NLGN1: variants seen among roughly 807,000 people sequenced by gnomAD.
NLGN1 encodes neuroligin 1.
In NLGN1, 12 loss-of-function variants were observed where a neutral mutation model predicts 65.5. The observed-to-expected ratio is 0.18, with a 90% CI of 0.12 to 0.30. The LOEUF (loss-of-function observed/expected upper bound fraction) is 0.30. Ranked by LOEUF, NLGN1 falls within the 10% of genes least tolerant of loss-of-function variation. The probability of loss-of-function intolerance (pLI) is 1.00; values close to 1 mark genes in which losing one functional copy is unlikely to be tolerated. For missense variants in NLGN1, 750 were observed against 1,007.1 expected (o/e 0.74, Z 3.46); for synonymous variants, 350 against 359.5 (o/e 0.97, Z 0.30).
chr3:174,157,334 A>G (rs1013935982), intron 4 of NLGN1, among the ~76,000 whole-genome samples: 1 of 151,852 alleles, frequency 6.6e-6, no homozygotes, highest in Non-Finnish European at 1.5e-5. Context: ...ATTGCGTATT[A>G]GCATATTAAG....
At chr3:173,493,943 A>G (rs867243624) in intron 2 of NLGN1, among the ~76,000 whole-genome samples, 13 of 151,806 alleles carry the variant, frequency 8.6e-5, no homozygotes, top group Admixed American at 5.9e-4. Context: ...AAACTTCCAC[A>G]TGGCTATCCT....
intron 4 of NLGN1, among the ~76,000 whole-genome samples, chr3:174,096,636 T>C (rs1561033050): frequency 6.6e-6 from 1 of 152,170 alleles, no homozygotes; most frequent in African/African-American, 2.4e-5. Context: ...TAATATATTA[T>C]AAATTTTAGA....
chr3:173,874,806 C>A (rs1417727947), intron 4 of NLGN1, among the ~76,000 whole-genome samples: 1 of 152,090 alleles, frequency 6.6e-6, no homozygotes, highest in Non-Finnish European at 1.5e-5. Flanking sequence ...TTGCACAGAT[C>A]TATTCTATCT....
chr3:174,192,991 T>A (rs1304027607), intron 4 of NLGN1, among the ~76,000 whole-genome samples: 1 of 152,030 alleles, frequency 6.6e-6, no homozygotes, highest in Non-Finnish European at 1.5e-5. Context: ...CAGAAGTAGT[T>A]CTCTTCTGAA....
intron 4 of NLGN1, among the ~76,000 whole-genome samples, chr3:173,859,310 A>T (rs1315091104): frequency 6.6e-6 from 1 of 152,024 alleles, no homozygotes. Context: ...TTAGTTACTG[A>T]CTTCCTGTTT....
At chr3:174,039,075 A>G (rs1490317441) in intron 4 of NLGN1, among the ~76,000 whole-genome samples, 1 of 152,130 alleles carries the variant, frequency 6.6e-6, no homozygotes, top group African/African-American at 2.4e-5. Flanking sequence ...AGCGAGCTCT[A>G]ATTTCACTTG....
At chr3:173,583,671 T>C (rs570832641) in intron 2 of NLGN1, among the ~76,000 whole-genome samples, 3 of 152,192 alleles carry the variant, frequency 2.0e-5, no homozygotes, top group Non-Finnish European at 4.4e-5. Context: ...TGAAATTCCT[T>C]GCATTGACTC....
At chr3:173,648,361 A>C (rs1052548268) in intron 3 of NLGN1, among the ~76,000 whole-genome samples, 9 of 152,220 alleles carry the variant, frequency 5.9e-5, no homozygotes, top group Admixed American at 4.6e-4. Flanking sequence ...GCTTCACCAA[A>C]GGAGATAAGA....
At chr3:174,275,629 T>G in intron 5 of NLGN1, 102 bp downstream of exon 5, 2 of 698,114 alleles carry the variant, frequency 2.9e-6, no homozygotes, top group Non-Finnish European at 4.9e-6. Flanking sequence ...AACTGAGTGT[T>G]AGGTTGAACT....
intron 2 of NLGN1, among the ~76,000 whole-genome samples, chr3:173,591,434 C>T (rs945291301): frequency 7.2e-5 from 11 of 152,172 alleles, no homozygotes; most frequent in South Asian, 2.1e-4. Context: ...TATTGCTGTT[C>T]GGTGCCTTAT....
intron 3 of NLGN1, among the ~76,000 whole-genome samples, chr3:173,719,387 C>T (rs1770432230): frequency 6.6e-6 from 1 of 152,092 alleles, no homozygotes; most frequent in Admixed American, 6.6e-5. Context: ...TTCCTTTTGT[C>T]AATTTTTTTT....
intron 4 of NLGN1, among the ~76,000 whole-genome samples, chr3:174,214,350 A>G (rs1260908756): frequency 6.6e-6 from 1 of 152,204 alleles, no homozygotes; most frequent in Non-Finnish European, 1.5e-5. Context: ...TGAAATGCTT[A>G]GTAAATTACA....
At position 174,032,279 on chromosome 3, in the gene NLGN1, C is replaced by T. The variant is rs144516471; in HGVS notation, c.646+224447C>T. 2.7e-3 allele frequency among the ~76,000 whole-genome samples: 411 copies of T among 152,286 alleles called. 1 individual carries two copies. The highest frequency in any genetic ancestry group is 4.1e-3 in the Non-Finnish European group (280 of 68,024). On this transcript the variant is annotated intron_variant, in intron 4 of 6. Coordinates refer to ENST00000457714, the Ensembl canonical transcript of NLGN1. ...TTTCTAGTTTAATGTGAAGGGAAAT[C>T]TGTGAAGGAAATCTTTTAAAAGGAT...
Position 174,268,119 on chromosome 3 carries a change from G to A in NLGN1, c.647-7196G>A, listed in dbSNP as rs74998724. Among the ~76,000 whole-genome samples the A allele has an allele frequency of 7.7e-3, 1,177 of 152,140 alleles. 12 individuals are homozygous for A. The highest frequency in any genetic ancestry group is 0.025 in the African/African-American group (1,049 of 41,506). ...TGTCGTTTCTTCAATGTCATGCTTC[G>A]AAGTGCACTATGTCTTTAAATCACA... is the stretch of plus-strand genomic sequence containing the variant. On this transcript the variant is annotated intron_variant, in intron 4 of 6. Coordinates refer to ENST00000457714, the Ensembl canonical transcript of NLGN1.
At chr3:173,747,253 AT>A (rs1421148784) in intron 3 of NLGN1, among the ~76,000 whole-genome samples, 2 of 145,866 alleles carry the variant, frequency 1.4e-5, no homozygotes, top group African/African-American at 5.0e-5. Flanking sequence ...AAGTATATAT[AT>A]TTAAATATAT....
intron 3 of NLGN1, among the ~76,000 whole-genome samples, chr3:173,666,361 C>T (rs1761699298): frequency 6.6e-6 from 1 of 152,026 alleles, no homozygotes; most frequent in Non-Finnish European, 1.5e-5. Context: ...AAACCATTAG[C>T]TCAGATGTAT....
chr3:173,725,689 A>G (rs1771647632), intron 3 of NLGN1, among the ~76,000 whole-genome samples: 1 of 152,204 alleles, frequency 6.6e-6, no homozygotes, highest in South Asian at 2.1e-4. Context: ...TCTGTGAGTC[A>G]GAGCTCTGGG....
intron 4 of NLGN1, among the ~76,000 whole-genome samples, chr3:174,017,074 T>C (rs1726717733): frequency 6.6e-6 from 1 of 152,160 alleles, no homozygotes; most frequent in Non-Finnish European, 1.5e-5. Context: ...CAGAGTCTAA[T>C]CAACAGGTAC....
chr3:174,135,009 G>A (rs749998283), intron 4 of NLGN1, among the ~76,000 whole-genome samples: 12 of 151,964 alleles, frequency 7.9e-5, no homozygotes, highest in African/African-American at 1.5e-4. Context: ...AAAAAACCCC[G>A]CAATTTAGTG....
Sources: gnomAD v4.1 joint callset for allele counts (sites outside exome capture counted in the v4.1 genomes callset) on GRCh38, gnomAD v4.1.1 for gene constraint, MANE v1.5 for transcripts, NCBI Gene and HGNC (gene_info 2026-07-23, HGNC 2026-07-21) for gene names.